NTRK2: variants seen among roughly 807,000 people sequenced by gnomAD.
The protein encoded by NTRK2 is BDNF/NT-3 growth factors receptor.
NTRK2 carries 13 observed loss-of-function variants against 94.5 expected under a neutral mutation model. The ratio of observed to expected loss-of-function variants is 0.14; its 90% CI spans 0.09 to 0.22. The LOEUF (loss-of-function observed/expected upper bound fraction) is 0.22. Ranked by LOEUF, NTRK2 falls within the 10% of genes least tolerant of loss-of-function variation. The pLI is 1.00. For synonymous variants in NTRK2, 372 were observed against 407.4 expected, an observed-to-expected ratio of 0.91 and a Z score of 1.05; for missense variants, 639 against 1,071.2, an observed-to-expected ratio of 0.60 and a Z score of 5.63.
intron 13 of NTRK2, among the ~76,000 whole-genome samples, chr9:84,865,868 G>A (rs1461964892): frequency 2.0e-5 from 3 of 152,206 alleles, no homozygotes; most frequent in African/African-American, 7.2e-5. Flanking sequence ...CCTGTCATGA[G>A]CCACTGCCGT....
intron 14 of NTRK2, chr9:84,873,761 T>A (rs1052668237): frequency 9.5e-7 from 1 of 1,056,640 alleles, no homozygotes; most frequent in Non-Finnish European, 1.1e-6. Flanking sequence ...ATCTGACCAT[T>A]GGGTAATATT....
chr9:84,966,707 A>T (rs1825598417), intron 17 of NTRK2, among the ~76,000 whole-genome samples: 1 of 152,158 alleles, frequency 6.6e-6, no homozygotes, highest in Non-Finnish European at 1.5e-5. Context: ...CTGGGATTAC[A>T]GGTGTAAGCC....
chr9:84,977,627 G>T (rs1022730647), intron 17 of NTRK2, among the ~76,000 whole-genome samples: 1 of 152,186 alleles, frequency 6.6e-6, no homozygotes, highest in Non-Finnish European at 1.5e-5. Flanking sequence ...TACAGAATTC[G>T]TGGATAATGA....
intron 2 of NTRK2, among the ~76,000 whole-genome samples, chr9:84,685,520 G>T (rs2059657592): frequency 6.6e-6 from 1 of 151,904 alleles, no homozygotes; most frequent in Non-Finnish European, 1.5e-5. Context: ...AACAAAGATG[G>T]CATTACACTT....
intron 12 of NTRK2, among the ~76,000 whole-genome samples, chr9:84,801,711 A>G (rs1564309290): frequency 6.6e-6 from 1 of 152,220 alleles, no homozygotes; most frequent in Non-Finnish European, 1.5e-5. Flanking sequence ...TTTTCAACGT[A>G]CTATATTTTC....
At chr9:84,982,910 A>G (rs918012459) in intron 17 of NTRK2, among the ~76,000 whole-genome samples, 2 of 152,206 alleles carry the variant, frequency 1.3e-5, no homozygotes, top group African/African-American at 4.8e-5. Context: ...GTATGTATTC[A>G]GCAGATTATA....
chr9:84,988,120 T>C (rs1828556210), intron 17 of NTRK2, among the ~76,000 whole-genome samples: 1 of 152,156 alleles, frequency 6.6e-6, no homozygotes, highest in African/African-American at 2.4e-5. Context: ...TTCAGTAGAG[T>C]GCCACAAAGA....
In NTRK2 at chr9:84,896,389, C is replaced by T. The variant is rs560937899; in HGVS notation, c.1633+28958C>T. Among the ~76,000 whole-genome samples the T allele has an allele frequency of 2.0e-5, 3 of 152,292 alleles. No individual in the cohort carries two copies. The South Asian group carries it at 6.2e-4, about 32-fold the overall frequency. ...GAGCTGGGGCTCAGGAGCATGAGGA[C>T]AGCCTGCACATACAATGAGGGAAAT... On this transcript the variant is annotated intron_variant, in intron 14 of 18. Coordinates refer to ENST00000277120, the MANE Select transcript of NTRK2 (RefSeq NM_006180.6).
intron 15 of NTRK2, among the ~76,000 whole-genome samples, chr9:84,938,128 G>A (rs2078274255): frequency 6.6e-6 from 1 of 152,164 alleles, no homozygotes; most frequent in African/African-American, 2.4e-5. Context: ...GTGTTGTACA[G>A]GAAGAAGACT....
At chr9:84,946,156 A>G (rs2078593640) in intron 15 of NTRK2, among the ~76,000 whole-genome samples, 1 of 152,294 alleles carries the variant, frequency 6.6e-6, no homozygotes, top group Non-Finnish European at 1.5e-5. Context: ...TTCCATTCCA[A>G]TACTAAATTT....
chr9:84,948,023 T>A (rs2078658101), intron 15 of NTRK2, among the ~76,000 whole-genome samples: 2 of 152,190 alleles, frequency 1.3e-5, no homozygotes, highest in South Asian at 4.1e-4. Flanking sequence ...GGCAAACTGA[T>A]CGTTGCTGAA....
intron 2 of NTRK2, among the ~76,000 whole-genome samples, chr9:84,687,378 G>A (rs184740619): frequency 8.8e-4 from 134 of 152,310 alleles, no homozygotes; most frequent in South Asian, 4.1e-4. Flanking sequence ...TTTCTCATTA[G>A]ACCTATTTTT....
At chr9:84,938,631 T>C (rs945709067) in intron 15 of NTRK2, among the ~76,000 whole-genome samples, 4 of 152,204 alleles carry the variant, frequency 2.6e-5, no homozygotes, top group African/African-American at 9.7e-5. Context: ...AGGATGGCAA[T>C]AGTGCCTTTT....
intron 6 of NTRK2, among the ~76,000 whole-genome samples, chr9:84,713,434 C>G (rs2061530599): frequency 6.6e-6 from 1 of 152,152 alleles, no homozygotes; most frequent in South Asian, 2.1e-4. Context: ...CCTCCCAGCT[C>G]TCAGTTTGTT....
intron 12 of NTRK2, among the ~76,000 whole-genome samples, chr9:84,782,826 G>A (rs751256471): frequency 1.3e-5 from 2 of 152,150 alleles, no homozygotes; most frequent in Admixed American, 6.5e-5. Flanking sequence ...GTTAATGGCT[G>A]GGTGGGAACT....
chr9:84,979,905 T>C (rs983686741), intron 17 of NTRK2, among the ~76,000 whole-genome samples: 2 of 152,230 alleles, frequency 1.3e-5, no homozygotes, highest in Non-Finnish European at 2.9e-5. Flanking sequence ...TTTTTAGCAA[T>C]AAAGTGTTTT....
In NTRK2 at chr9:84,876,823, G is replaced by A. The variant is rs376429316; in HGVS notation, c.1633+9392G>A. On this transcript the variant is annotated intron_variant, in intron 14 of 18. Coordinates refer to ENST00000277120, the MANE Select transcript of NTRK2 (RefSeq NM_006180.6). ...GGCTAGCCTTTCTTTTCCAAGTGCT[G>A]TCAGAATGTATACATTTAGTCTGTC... is the stretch of plus-strand genomic sequence containing the variant. 2.0e-5 allele frequency: 21 copies of A among 1,062,500 alleles called. No homozygotes were observed. The South Asian group carries it at 5.9e-4, about 30-fold the overall frequency. The allele number at this position is 1,062,500 out of a possible 1,614,324, so 65.8% of individuals were successfully genotyped here. A position where few individuals can be genotyped will look rare whatever the true frequency, so the allele number is the denominator to read the frequency against.
chr9:84,814,631 G>A (rs1313460057), intron 12 of NTRK2: 1 of 1,065,488 alleles, frequency 9.4e-7, no homozygotes, highest in Non-Finnish European at 1.1e-6. Context: ...CGCCTGTTTT[G>A]GTGCTAGCTG....
chr9:84,811,224 T>C (rs199500743), intron 12 of NTRK2: 1 of 1,063,752 alleles, frequency 9.4e-7, no homozygotes. Context: ...ATGTTTAGCT[T>C]AGGTCTGAGA....
Sources: gnomAD v4.1 joint callset for allele counts (sites outside exome capture counted in the v4.1 genomes callset) on GRCh38, gnomAD v4.1.1 for gene constraint, MANE v1.5 for transcripts, NCBI Gene and HGNC (gene_info 2026-07-23, HGNC 2026-07-21) for gene names.